Variants in NEK7 observed in about 807,000 individuals in gnomAD.
NEK7 encodes the protein NIMA related kinase 7.
Under a neutral mutation model 44.6 loss-of-function variants are expected in NEK7, and 18 were observed. That is an observed-to-expected ratio of 0.40 (90% CI 0.28 to 0.60). The LOEUF (loss-of-function observed/expected upper bound fraction) is 0.60. Ranked by LOEUF, NEK7 falls within the 20% of genes least tolerant of loss-of-function variation. The pLI, the probability that NEK7 is intolerant of heterozygous loss-of-function variation, is 0.38. For missense variants in NEK7, 256 were observed against 366.5 expected (o/e 0.70, Z 2.46); for synonymous variants, 130 against 121.1 (o/e 1.07, Z -0.48).
chr1:198,174,211 A>G (rs1488894288), intron 1 of NEK7, among the ~76,000 whole-genome samples: 3 of 152,230 alleles, frequency 2.0e-5, no homozygotes, highest in Non-Finnish European at 4.4e-5. Context: ...TGTAAAATAT[A>G]ACTTTGATTT....
intron 1 of NEK7, among the ~76,000 whole-genome samples, chr1:198,163,350 G>A (rs955610550): frequency 2.6e-5 from 4 of 151,784 alleles, no homozygotes; most frequent in African/African-American, 9.7e-5. Flanking sequence ...AAAAAAATTA[G>A]TTGGGCTTGG....
At chr1:198,200,173 TC>T (rs1665383064) in intron 1 of NEK7, among the ~76,000 whole-genome samples, 1 of 152,220 alleles carries the variant, frequency 6.6e-6, no homozygotes, top group Non-Finnish European at 1.5e-5. Flanking sequence ...TGCATTTTTT[TC>T]TTTTATAGAT....
chr1:198,191,058 C>T (rs1362424453), intron 1 of NEK7, among the ~76,000 whole-genome samples: 1 of 151,856 alleles, frequency 6.6e-6, no homozygotes, highest in Non-Finnish European at 1.5e-5. Context: ...TTTTCTAACT[C>T]AGTAGATCAA....
chr1:198,267,272 TCCTC>T (rs1413755028), intron 5 of NEK7, among the ~76,000 whole-genome samples: 3 of 146,660 alleles, frequency 2.0e-5, no homozygotes, highest in African/African-American at 7.4e-5. Flanking sequence ...ACACACCTGT[TCCTC>T]ATTCATTCAT....
intron 2 of NEK7, among the ~76,000 whole-genome samples, chr1:198,248,270 T>C (rs1032416717): frequency 5.9e-5 from 9 of 152,176 alleles, no homozygotes; most frequent in Non-Finnish European, 7.4e-5. Flanking sequence ...AAAGGTGATA[T>C]TCCAACTTTA....
chr1:198,265,939 T>C (rs1653639554), intron 5 of NEK7, among the ~76,000 whole-genome samples: 1 of 152,130 alleles, frequency 6.6e-6, no homozygotes. Context: ...ATAATAAAAC[T>C]ATATGACAGG....
intron 9 of NEK7, among the ~76,000 whole-genome samples, chr1:198,315,037 C>T (rs532369268): frequency 4.6e-5 from 7 of 152,276 alleles, no homozygotes; most frequent in South Asian, 2.1e-4. Flanking sequence ...CCAGCCTCGC[C>T]GCCACCTTGC....
chr1:198,216,563 A>G (rs940535460), intron 1 of NEK7, among the ~76,000 whole-genome samples: 19 of 151,906 alleles, frequency 1.3e-4, no homozygotes, highest in Admixed American at 9.8e-4. Context: ...TAGCAGAGGA[A>G]AAGAAGTAAC....
At chr1:198,178,119 G>T (rs975389133) in intron 1 of NEK7, among the ~76,000 whole-genome samples, 2 of 151,882 alleles carry the variant, frequency 1.3e-5, no homozygotes, top group Non-Finnish European at 2.9e-5. Context: ...AAAATAAAAA[G>T]GTAGCCAAGA....
intron 9 of NEK7, among the ~76,000 whole-genome samples, chr1:198,310,696 G>C (rs1370188041): frequency 6.6e-6 from 1 of 152,096 alleles, no homozygotes; most frequent in Non-Finnish European, 1.5e-5. Context: ...TTATTAAATA[G>C]GGAATCCTTT....
rs548329937 is a variant in NEK7 at position 198,281,476 on chromosome 1, T to C, written c.589+2415T>C. Among the ~76,000 whole-genome samples, 153 of 152,164 alleles carry C rather than the reference T, an allele frequency of 1.0e-3. 2 individuals carry two copies. Among genetic ancestry groups the C allele is most frequent in the Middle Eastern group, 3.4e-3 (1 of 294 alleles). On this transcript the variant is annotated intron_variant, in intron 7 of 9. Transcript: ENST00000367385. ...GAGCAGGTATAAATTTCAGTGAAAC[T>C]ATAAATAAATGAAATCTCTATGTAG...
intron 3 of NEK7, among the ~76,000 whole-genome samples, chr1:198,253,984 A>G (rs1487604236): frequency 6.6e-6 from 1 of 152,114 alleles, no homozygotes; most frequent in Non-Finnish European, 1.5e-5. Flanking sequence ...AATTATGGTA[A>G]TAGTTATTCT....
chr1:198,302,745 C>A (rs773971553), intron 9 of NEK7, among the ~76,000 whole-genome samples: 1 of 151,720 alleles, frequency 6.6e-6, no homozygotes, highest in East Asian at 1.9e-4. Context: ...TTCTTTAATG[C>A]GATTATCAAT....
chr1:198,274,978 C>G (rs1489277364), intron 5 of NEK7, among the ~76,000 whole-genome samples: 1 of 151,662 alleles, frequency 6.6e-6, no homozygotes, highest in African/African-American at 2.4e-5. Context: ...TGAATTTCAC[C>G]TAAGTGAAAT....
At chr1:198,208,259 C>G (rs1219390018) in intron 1 of NEK7, among the ~76,000 whole-genome samples, 1 of 152,174 alleles carries the variant, frequency 6.6e-6, no homozygotes, top group Non-Finnish European at 1.5e-5. Flanking sequence ...TACAAATAAT[C>G]TGGAGCGTAA....
At chr1:198,248,712 A>ATT (rs1452525124) in intron 2 of NEK7, among the ~76,000 whole-genome samples, 1 of 152,122 alleles carries the variant, frequency 6.6e-6, no homozygotes, top group East Asian at 1.9e-4. Flanking sequence ...GGACTAAATG[A>ATT]TTATGTATTT....
chr1:198,313,743 T>G (rs1330486575), intron 9 of NEK7, among the ~76,000 whole-genome samples: 1 of 105,730 alleles, frequency 9.5e-6, no homozygotes, highest in Non-Finnish European at 1.7e-5. Context: ...AAAATTCTTT[T>G]CTTTAAGAAT....
chr1:198,262,838 T>C (rs1653522738), intron 4 of NEK7, among the ~76,000 whole-genome samples: 1 of 151,898 alleles, frequency 6.6e-6, no homozygotes, highest in South Asian at 2.1e-4. Flanking sequence ...TCAGAACATT[T>C]GTAGGACCAG....
At chr1:198,221,945 G>A (rs899827979) in intron 1 of NEK7, among the ~76,000 whole-genome samples, 1 of 151,464 alleles carries the variant, frequency 6.6e-6, no homozygotes, top group African/African-American at 2.4e-5. Flanking sequence ...ATGTTATCTA[G>A]TATAGTGTCG....
Sources: allele counts gnomAD v4.1 joint callset (sites outside exome capture counted in the v4.1 genomes callset), GRCh38; gene constraint gnomAD v4.1.1; transcripts MANE v1.5; gene names NCBI Gene and HGNC (gene_info 2026-07-23, HGNC 2026-07-21).